Variants in ADAMTS16 observed in about 807,000 individuals in gnomAD.
ADAMTS16 encodes the protein A disintegrin and metalloproteinase with thrombospondin motifs 16.
In ADAMTS16, 94 loss-of-function variants were observed where a neutral mutation model predicts 145.8. The observed-to-expected ratio is 0.64, with a 90% confidence interval of 0.55 to 0.77. The LOEUF (loss-of-function observed/expected upper bound fraction) is 0.77, where lower values mean the gene tolerates loss of function less well. Among genes scored for constraint, ADAMTS16 ranks in the 30% least tolerant of loss-of-function variants. The probability of loss-of-function intolerance (pLI) is 0.00; values close to 1 mark genes in which losing one functional copy is unlikely to be tolerated. For missense variants in ADAMTS16, 1,585 were observed against 1,591.5 expected, an observed-to-expected ratio of 1.00 and a Z score of 0.07; for synonymous variants, 659 against 604.3, an observed-to-expected ratio of 1.09 and a Z score of -1.33.
At chr5:5,307,983 G>T (rs1032765716) in intron 21 of ADAMTS16, among the ~76,000 whole-genome samples, 50 of 152,202 alleles carry the variant, frequency 3.3e-4, no homozygotes, top group African/African-American at 1.2e-3. Context: ...TGTCATGGGG[G>T]CTGAATGCTG....
chr5:5,189,299 T>G (rs1270033603), intron 6 of ADAMTS16, among the ~76,000 whole-genome samples: 1 of 152,198 alleles, frequency 6.6e-6, no homozygotes, highest in African/African-American at 2.4e-5. Context: ...CTCGAATTCT[T>G]CCGTTCCCAA....
chr5:5,149,252 G>C (rs983062857), intron 3 of ADAMTS16, among the ~76,000 whole-genome samples: 1 of 152,062 alleles, frequency 6.6e-6, no homozygotes, highest in Non-Finnish European at 1.5e-5. Flanking sequence ...TTTGGAAAAA[G>C]GGTCCCTGTT....
At chr5:5,253,523 A>G (rs916160346) in intron 17 of ADAMTS16, among the ~76,000 whole-genome samples, 1 of 152,166 alleles carries the variant, frequency 6.6e-6, no homozygotes, top group African/African-American at 2.4e-5. Context: ...ACAGAAGGGG[A>G]GGCAGGTTTG....
In ADAMTS16 at chr5:5,211,095, CT is replaced by C. The variant is rs1300140094; in HGVS notation, c.1605+1850del. On this transcript the variant is annotated intron_variant, in intron 10 of 22. Transcript: ENST00000274181. ...AATTGATTATCAGAGTTGTGCTGAC[CT>C]AATAAAATCAGTTGACAGTATCCCT... 6.6e-5 allele frequency among the ~76,000 whole-genome samples: 10 copies of C among 152,220 alleles called. No homozygotes were observed. In the South Asian group the frequency reaches 2.1e-3, roughly 32 times the overall value.
chr5:5,273,965 G>C (rs1434859551), intron 18 of ADAMTS16, among the ~76,000 whole-genome samples: 1 of 152,128 alleles, frequency 6.6e-6, no homozygotes, highest in Non-Finnish European at 1.5e-5. Flanking sequence ...TTTGTACTTT[G>C]AGTTTTTATA....
At chr5:5,226,272 AG>A (rs1292444534) in intron 11 of ADAMTS16, among the ~76,000 whole-genome samples, 2 of 152,182 alleles carry the variant, frequency 1.3e-5, no homozygotes, top group African/African-American at 4.8e-5. Flanking sequence ...ATGACTGGGG[AG>A]GCCTCGCAAT....
chr5:5,165,708 C>T (rs1734857593), intron 3 of ADAMTS16, among the ~76,000 whole-genome samples: 2 of 152,170 alleles, frequency 1.3e-5, no homozygotes, highest in South Asian at 4.1e-4. Context: ...ATAGAATTTG[C>T]CTCAGGCTGG....
intron 18 of ADAMTS16, among the ~76,000 whole-genome samples, chr5:5,267,310 T>G (rs1225013761): frequency 1.3e-5 from 2 of 152,352 alleles, no homozygotes; most frequent in East Asian, 3.9e-4. Context: ...TTAGACCCTT[T>G]GCCTTATCCC....
At chr5:5,296,575 A>G (rs1579393112) in intron 18 of ADAMTS16, among the ~76,000 whole-genome samples, 1 of 152,166 alleles carries the variant, frequency 6.6e-6, no homozygotes, top group African/African-American at 2.4e-5. Context: ...CGTGTTTCCA[A>G]AGCTGCCAGT....
chr5:5,232,600 C>CTT (rs748424956), intron 12 of ADAMTS16, 84 bp downstream of exon 12: 1,255 of 904,074 alleles, frequency 1.4e-3, no homozygotes, highest in African/African-American at 3.3e-3. Context: ...TGTCTCAGCT[C>CTT]TTTTTTTTTT....
chr5:5,140,884 T>C (rs1374591961), intron 2 of ADAMTS16, 118 bp downstream of exon 2: 2 of 1,040,254 alleles, frequency 1.9e-6, no homozygotes, highest in South Asian at 3.9e-5. Flanking sequence ...ACTTTTAAGA[T>C]GCTGTTGTGA....
At chr5:5,240,066 A>T (rs1737241322) in intron 16 of ADAMTS16, 141 bp downstream of exon 16, 1 of 1,357,020 alleles carries the variant, frequency 7.4e-7, no homozygotes, top group East Asian at 2.3e-5. Context: ...GGAATGAGGC[A>T]GCAGGCTTGT....
intron 2 of ADAMTS16, among the ~76,000 whole-genome samples, chr5:5,142,670 T>C (rs904051986): frequency 2.0e-5 from 3 of 152,160 alleles, no homozygotes; most frequent in Non-Finnish European, 4.4e-5. Context: ...TAACTAATTG[T>C]AGCCATACAT....
chr5:5,146,470 A>G lies in ADAMTS16; in HGVS notation c.501+15A>G, dbSNP rs760664808. ...GCCAAGGCTTGGTGAGTACAGCGCAAGCCCCAGGTAGGGAGGCGAGGTTGG... is the reference window on the plus strand; with the variant it reads ...GCCAAGGCTTGGTGAGTACAGCGCAGGCCCCAGGTAGGGAGGCGAGGTTGG... On this transcript the variant is annotated intron_variant, in intron 3 of 22. Coordinates refer to ENST00000274181, the MANE Select transcript of ADAMTS16 (RefSeq NM_139056.4). 17 of 1,579,816 alleles carry G rather than the reference A, an allele frequency of 1.1e-5. No homozygotes were observed. Among genetic ancestry groups the G allele is most frequent in the Non-Finnish European group, 1.4e-5 (16 of 1,166,060 alleles).
At chr5:5,222,926 A>C (rs1393499371) in intron 11 of ADAMTS16, 42 bp downstream of exon 11, 2 of 1,559,272 alleles carry the variant, frequency 1.3e-6, no homozygotes, top group Admixed American at 1.7e-5. Context: ...TTCAGATGCT[A>C]GTCTTTCAAC....
chr5:5,181,419 G>A (rs1735335261), intron 3 of ADAMTS16, among the ~76,000 whole-genome samples: 1 of 152,282 alleles, frequency 6.6e-6, no homozygotes, highest in East Asian at 1.9e-4. Flanking sequence ...GTTGTATTTA[G>A]TCTGTTTTGC....
intron 13 of ADAMTS16, 31 bp from the exon 14 acceptor site, chr5:5,236,938 A>G (rs760844107): frequency 1.3e-6 from 2 of 1,583,822 alleles, no homozygotes; most frequent in East Asian, 4.5e-5. Context: ...TATTTTTCTT[A>G]TTTGTGTTTG....
intron 3 of ADAMTS16, among the ~76,000 whole-genome samples, chr5:5,153,374 T>A (rs551861073): frequency 6.6e-6 from 1 of 152,324 alleles, no homozygotes; most frequent in African/African-American, 2.4e-5. Context: ...TATCCCAAAG[T>A]TCTTGTTAAA....
intron 11 of ADAMTS16, among the ~76,000 whole-genome samples, chr5:5,226,099 C>T (rs190455592): frequency 3.1e-4 from 47 of 152,242 alleles, no homozygotes; most frequent in African/African-American, 6.3e-4. Context: ...GGTTTTTGCA[C>T]GACTCAGTTC....
Sources: allele counts gnomAD v4.1 joint callset (sites outside exome capture counted in the v4.1 genomes callset), GRCh38; gene constraint gnomAD v4.1.1; transcripts MANE v1.5; gene names NCBI Gene and HGNC (gene_info 2026-07-23, HGNC 2026-07-21).